Variants in CERS3 observed in about 807,000 individuals in gnomAD.
CERS3 encodes ceramide synthase 3.
In CERS3, 33 loss-of-function variants were observed where a neutral mutation model predicts 50.3. The ratio of observed to expected loss-of-function variants is 0.66; its 90% CI spans 0.50 to 0.88. The LOEUF is 0.88. CERS3 is among the 40% of genes least tolerant of loss of function. The probability of loss-of-function intolerance (pLI) is 0.00; values close to 1 mark genes in which losing one functional copy is unlikely to be tolerated. For missense variants in CERS3, 470 were observed against 460.3 expected (o/e 1.02, Z -0.19); for synonymous variants, 176 against 155.2 (o/e 1.13, Z -0.99).
chr15:100,482,321 G>A (rs1163235005), intron 5 of CERS3, among the ~76,000 whole-genome samples: 1 of 152,180 alleles, frequency 6.6e-6, no homozygotes, highest in Non-Finnish European at 1.5e-5. Flanking sequence ...ATAGTGAAAG[G>A]AGGGACTGCA....
chr15:100,497,882 CACACACACACACACTTT>C (rs1567663344), intron 3 of CERS3, among the ~76,000 whole-genome samples: 4 of 83,508 alleles, frequency 4.8e-5, no homozygotes, highest in Non-Finnish European at 1.0e-4. Context: ...CACACACACA[CACACACACACACACTTT>C]TTTTTTTTTT....
intron 11 of CERS3, among the ~76,000 whole-genome samples, chr15:100,419,337 G>A (rs1302451250): frequency 2.4e-5 from 2 of 84,064 alleles, no homozygotes; most frequent in Non-Finnish European, 2.4e-5. Flanking sequence ...GACAAAGAAG[G>A]CCATTACATA....
chr15:100,424,969 C>T (rs2032713986), intron 11 of CERS3, among the ~76,000 whole-genome samples: 1 of 152,344 alleles, frequency 6.6e-6, no homozygotes, highest in Admixed American at 6.5e-5. Flanking sequence ...CCAGATATGT[C>T]TCAGGCCACT....
intron 3 of CERS3, among the ~76,000 whole-genome samples, chr15:100,497,151 T>A (rs1482523793): frequency 6.6e-6 from 1 of 151,712 alleles, no homozygotes; most frequent in Non-Finnish European, 1.5e-5. Context: ...GATCACCAAA[T>A]ACACAGAACA....
chr15:100,424,434 T>G (rs905774150), intron 11 of CERS3, among the ~76,000 whole-genome samples: 2 of 152,170 alleles, frequency 1.3e-5, no homozygotes, highest in African/African-American at 4.8e-5. Flanking sequence ...TAGAGACTTG[T>G]TGAATGGTTG....
At chr15:100,531,092 C>T (rs539478386), upstream of CERS3, among the ~76,000 whole-genome samples, 11 of 151,892 alleles carry the variant, frequency 7.2e-5, no homozygotes, top group East Asian at 2.1e-3. Context: ...CTCAAAAAAA[C>T]AAAAAACAAA....
chr15:100,445,874 C>T (rs1201955233), intron 11 of CERS3, among the ~76,000 whole-genome samples: 1 of 152,136 alleles, frequency 6.6e-6, no homozygotes, highest in Non-Finnish European at 1.5e-5. Flanking sequence ...ATGGCCTGTT[C>T]CTGCCGTAAC....
intron 11 of CERS3, among the ~76,000 whole-genome samples, chr15:100,408,025 C>A (rs1269487984): frequency 6.6e-6 from 1 of 152,130 alleles, no homozygotes; most frequent in East Asian, 1.9e-4. Flanking sequence ...GCGGCCACCA[C>A]TGTGCCTGGC....
chr15:100,523,715 A>G (rs2036705710), intron 1 of CERS3, among the ~76,000 whole-genome samples: 1 of 151,884 alleles, frequency 6.6e-6, no homozygotes. Context: ...AAAAAAAAAA[A>G]AAAAAGAAAT....
intron 11 of CERS3, among the ~76,000 whole-genome samples, chr15:100,424,294 G>A (rs1253602884): frequency 1.3e-5 from 2 of 152,134 alleles, no homozygotes; most frequent in African/African-American, 4.8e-5. Flanking sequence ...CTTGGTACCA[G>A]CAGTGGGCCC....
intron 11 of CERS3, among the ~76,000 whole-genome samples, chr15:100,428,866 C>A (rs1040369844): frequency 1.3e-5 from 2 of 152,126 alleles, no homozygotes; most frequent in Non-Finnish European, 2.9e-5. Flanking sequence ...GCCAGGAAGG[C>A]CTTAAGGAAA....
At chr15:100,519,788 T>C (rs1409903861) in intron 2 of CERS3, among the ~76,000 whole-genome samples, 1 of 152,254 alleles carries the variant, frequency 6.6e-6, no homozygotes, top group East Asian at 1.9e-4. Context: ...AATACTTAGA[T>C]ATTCCACAGC....
chr15:100,405,300 C>G (rs2030927311), intron 11 of CERS3, among the ~76,000 whole-genome samples: 1 of 147,978 alleles, frequency 6.8e-6, no homozygotes, highest in Non-Finnish European at 1.5e-5. Flanking sequence ...CAAAGAGACA[C>G]TTTATCAAAG....
In CERS3 at chr15:100,402,491, T is replaced by G. The variant is rs1179004285; in HGVS notation, c.*222A>C. 7 of 529,848 alleles carry G rather than the reference T, an allele frequency of 1.3e-5. No individual in the cohort carries two copies. The highest frequency in any genetic ancestry group is 6.7e-6 in the Non-Finnish European group (2 of 299,566). The allele number at this position is 529,848 out of a possible 1,614,324, so 32.8% of individuals were successfully genotyped here. A position where few individuals can be genotyped will look rare whatever the true frequency, so the allele number is the denominator to read the frequency against. On this transcript the variant is annotated 3_prime_UTR_variant, in exon 12 of 12. Transcript: ENST00000679737. ...TCTGTGGAGAAATCTTTGAAATCTT[T>G]GACCAGTCTGAGTCCTAACTGCAGT...
chr15:100,491,015 G>A, intron 3 of CERS3, 84 bp from the exon 4 acceptor site: 1 of 800,666 alleles, frequency 1.2e-6, no homozygotes, highest in Non-Finnish European at 2.0e-6. Flanking sequence ...GTAACTTCAG[G>A]TTTCTAATGA....
intron 7 of CERS3, 133 bp downstream of exon 7, chr15:100,479,295 C>T: frequency 1.7e-6 from 1 of 587,526 alleles, no homozygotes; most frequent in East Asian, 2.9e-5. Flanking sequence ...GATAAGGAAG[C>T]TCAAGTAGAA....
intron 11 of CERS3, among the ~76,000 whole-genome samples, chr15:100,431,292 G>A (rs2142120121): frequency 6.6e-6 from 1 of 152,238 alleles, no homozygotes; most frequent in African/African-American, 2.4e-5. Flanking sequence ...AAAATTGCAA[G>A]TATGTCTCAC....
chr15:100,414,998 A>C (rs1000758523), intron 11 of CERS3, among the ~76,000 whole-genome samples: 3 of 152,206 alleles, frequency 2.0e-5, no homozygotes, highest in Non-Finnish European at 2.9e-5. Flanking sequence ...GTTAACAGGC[A>C]ACCTACAGAA....
chr15:100,458,148 C>G (rs928000030), intron 10 of CERS3, among the ~76,000 whole-genome samples: 9 of 152,142 alleles, frequency 5.9e-5, no homozygotes, highest in African/African-American at 1.9e-4. Context: ...AACTCAGAAC[C>G]AGTATGAAAT....
Sources: allele counts gnomAD v4.1 joint callset (sites outside exome capture counted in the v4.1 genomes callset), GRCh38; gene constraint gnomAD v4.1.1; transcripts MANE v1.5; gene names NCBI Gene and HGNC (gene_info 2026-07-23, HGNC 2026-07-21).